The following XRCC6 variants were observed in gnomAD, a reference collection of about 807,000 sequenced individuals.
XRCC6 encodes the protein X-ray repair cross complementing 6.
XRCC6 carries 5 observed loss-of-function variants against 65.7 expected under a neutral mutation model. That is an observed-to-expected ratio of 0.08 (90% CI 0.04 to 0.16). XRCC6 has a LOEUF of 0.16. XRCC6 is among the 10% of genes least tolerant of loss of function. The pLI, the probability that XRCC6 is intolerant of heterozygous loss-of-function variation, is 1.00. For synonymous variants in XRCC6, 270 were observed against 270.6 expected (o/e 1.00, Z 0.02); for missense variants, 447 against 738.1 (o/e 0.61, Z 4.57).
intron 2 of XRCC6, 110 bp downstream of exon 2, chr22:41,622,196 A>T: frequency 8.8e-7 from 1 of 1,130,992 alleles, no homozygotes; most frequent in South Asian, 1.4e-5. Context: ...CTCCTCCCAG[A>T]TAATTCTGAA....
At chr22:41,621,773 C>T (rs897130768) in intron 1 of XRCC6, 4 of 518,796 alleles carry the variant, frequency 7.7e-6, no homozygotes, top group East Asian at 6.7e-5. Flanking sequence ...GCCGCCGGCC[C>T]TGAAACGTGA....
At position 41,628,189 on chromosome 22, in the gene XRCC6, C is replaced by A. The variant is rs761297117; in HGVS notation, c.154C>A (p.Gln52Lys). The change falls in exon 3 of 13, where the codon CAG (glutamine) becomes AAG (lysine). Residue 52 changes from glutamine (Q) to lysine (K), a missense_variant. By Grantham distance (53) the Gln-to-Lys change is moderately conservative. This residue lies in a region of XRCC6 where 228 missense variants were observed against 307.4 expected (regional missense o/e 0.74). Coordinates refer to ENST00000360079, the MANE Select transcript of XRCC6 (RefSeq NM_001469.5). ...TGCCTCCAAGGCTATGTTTGAATCT[C>A]AGAGTGAAGATGAGTTGACACCTTT... ...VDASKAMFES[Q>K]SEDELTPFDM... The A allele has an allele frequency of 6.2e-7, 1 of 1,613,794 alleles. No homozygotes were observed. Among genetic ancestry groups the A allele is most frequent in the African/African-American group, 1.3e-5 (1 of 75,016 alleles).
At chr22:41,647,385 C>T (rs2067943538) in intron 7 of XRCC6, among the ~76,000 whole-genome samples, 1 of 151,986 alleles carries the variant, frequency 6.6e-6, no homozygotes, top group Non-Finnish European at 1.5e-5. Context: ...AGTTCAAGAC[C>T]AGCCTGACCA....
At chr22:41,656,261 CTG>C (rs942853212) in intron 9 of XRCC6, among the ~76,000 whole-genome samples, 2 of 150,154 alleles carry the variant, frequency 1.3e-5, no homozygotes, top group African/African-American at 4.9e-5. Context: ...TACCTCACGT[CTG>C]TAATCCCAGC....
Position 41,653,584 on chromosome 22 carries a change from A to G in XRCC6, c.1185A>G (p.Ala395=), listed in dbSNP as rs770700400. ...LLIKCLEKEV[A]ALCRYTPRRN... ...TCAAGTGTCTGGAGAAGGAGGTTGCAGCATTGTGCAGATACACACCCCGCA... is the reference window on the plus strand; with the variant it reads ...TCAAGTGTCTGGAGAAGGAGGTTGCGGCATTGTGCAGATACACACCCCGCA... Residue 395 remains alanine (A), a synonymous_variant, in exon 9 of 13, where the codon GCA becomes GCG. Transcript: ENST00000360079. 6.2e-7 allele frequency: 1 copy of G among 1,614,060 alleles called. No homozygotes were observed. Among genetic ancestry groups the G allele is most frequent in the East Asian group, 2.2e-5 (1 of 44,872 alleles).
intron 3 of XRCC6, among the ~76,000 whole-genome samples, chr22:41,628,664 A>C (rs1055687885): frequency 6.6e-6 from 1 of 152,174 alleles, no homozygotes; most frequent in African/African-American, 2.4e-5. Context: ...TAAAACAGGC[A>C]CAGGACTTGA....
chr22:41,623,773 T>C (rs897800284), intron 2 of XRCC6, among the ~76,000 whole-genome samples: 1 of 152,050 alleles, frequency 6.6e-6, no homozygotes, highest in Non-Finnish European at 1.5e-5. Flanking sequence ...CAGGCTGGAG[T>C]GCACTGACTC....
chr22:41,650,651 GTCA>G, intron 7 of XRCC6, 69 bp from the exon 8 acceptor site: 2 of 1,517,926 alleles, frequency 1.3e-6, no homozygotes, highest in Non-Finnish European at 1.8e-6. Context: ...ACTTGCTAGT[GTCA>G]TCATCTTCGA....
At chr22:41,657,497 TTATTA>T (rs2068055892) in intron 10 of XRCC6, among the ~76,000 whole-genome samples, 1 of 14,242 alleles carries the variant, frequency 7.0e-5, no homozygotes, top group South Asian at 1.5e-3. Flanking sequence ...AAATTTATTA[TTATTA>T]TTATTATTAT....
intron 6 of XRCC6, among the ~76,000 whole-genome samples, chr22:41,639,700 T>C (rs1017391897): frequency 3.9e-5 from 4 of 101,738 alleles, no homozygotes; most frequent in African/African-American, 1.3e-4. Flanking sequence ...TCTTGCTCTT[T>C]TGGCCGGGCT....
At position 41,661,462 on chromosome 22, in the gene XRCC6, G is replaced by A; in HGVS notation, c.1636+18G>A. 1 of 1,605,518 alleles carries A rather than the reference G, an allele frequency of 6.2e-7. No homozygotes were observed. Among genetic ancestry groups the A allele is most frequent in the African/African-American group, 1.3e-5 (1 of 74,732 alleles). ...AAAACACGGTGAGAAGCTGAATGTG[G>A]ACATGTGGGCTATTTTTAAAAATTG... On this transcript the variant is annotated intron_variant, in intron 12 of 12. Coordinates refer to ENST00000360079, the MANE Select transcript of XRCC6 (RefSeq NM_001469.5).
chr22:41,653,792 TG>T, intron 9 of XRCC6, 102 bp downstream of exon 9: 1 of 1,396,472 alleles, frequency 7.2e-7, no homozygotes, highest in Non-Finnish European at 9.6e-7. Context: ...TCTCTGGGAA[TG>T]GGGCTTAAAA....
intron 1 of XRCC6, chr22:41,621,658 G>A (rs553830742): frequency 4.0e-6 from 1 of 249,074 alleles, no homozygotes; most frequent in African/African-American, 2.3e-5. Context: ...GGGCGGTATT[G>A]AGGACGAGGG....
intron 10 of XRCC6, 66 bp from the exon 11 acceptor site, chr22:41,658,186 T>G: frequency 6.4e-7 from 1 of 1,556,056 alleles, no homozygotes; most frequent in Non-Finnish European, 8.8e-7. Flanking sequence ...CTCAGGTGGT[T>G]TTATTCTAAT....
intron 7 of XRCC6, among the ~76,000 whole-genome samples, chr22:41,649,414 G>T (rs746260501): frequency 6.6e-6 from 1 of 150,526 alleles, no homozygotes. Flanking sequence ...GGGCTCAAAC[G>T]ATCCAGCTGC....
chr22:41,629,016 C>CAACAAGCA (rs1372953563), intron 3 of XRCC6, among the ~76,000 whole-genome samples: 2 of 149,176 alleles, frequency 1.3e-5, no homozygotes, highest in Non-Finnish European at 3.0e-5. Context: ...TGCAGATGTC[C>CAACAAGCA]AACAAGCACA....
At chr22:41,634,874 C>T (rs942096566) in intron 3 of XRCC6, among the ~76,000 whole-genome samples, 2 of 152,054 alleles carry the variant, frequency 1.3e-5, no homozygotes, top group African/African-American at 4.8e-5. Flanking sequence ...ACCTGATGTA[C>T]CAGATGCTGA....
At chr22:41,629,816 C>T (rs551876307) in intron 3 of XRCC6, among the ~76,000 whole-genome samples, 78 of 152,072 alleles carry the variant, frequency 5.1e-4, no homozygotes, top group African/African-American at 1.8e-3. Context: ...ACTACAGGCA[C>T]CTGCCACCAT....
chr22:41,637,732 G>A lies in XRCC6; in HGVS notation c.714G>A (p.Lys238=). ...DLRVHFEESS[K]LEDLLRKVRA... ...GGGTTCACTTTGAGGAATCCAGCAA[G>A]CTAGAAGACCTGTTGCGGAAGGTTC... The change falls in exon 6 of 13, where the codon AAG becomes AAA. Residue 238 remains lysine (K), a synonymous_variant. Coordinates refer to ENST00000360079, the MANE Select transcript of XRCC6 (RefSeq NM_001469.5). The A allele has an allele frequency of 3.1e-6, 5 of 1,614,022 alleles. No homozygotes were observed. The highest frequency in any genetic ancestry group is 4.2e-6 in the Non-Finnish European group (5 of 1,180,018).
Sources: gnomAD v4.1 joint callset for allele counts (sites outside exome capture counted in the v4.1 genomes callset) on GRCh38, gnomAD v4.1.1 for gene constraint, gnomAD v4.1.1 regional missense constraint, MANE v1.5 for transcripts, NCBI Gene and HGNC (gene_info 2026-07-23, HGNC 2026-07-21) for gene names.